ERBB4: variants seen among roughly 807,000 people sequenced by gnomAD.
The protein encoded by ERBB4 is receptor tyrosine-protein kinase erbB-4.
In ERBB4, 42 loss-of-function variants were observed where a neutral mutation model predicts 158.0. The observed-to-expected ratio is 0.27, with a 90% CI of 0.21 to 0.34. The LOEUF (loss-of-function observed/expected upper bound fraction) is 0.34. Among genes scored for constraint, ERBB4 ranks in the 10% least tolerant of loss-of-function variants. The probability of loss-of-function intolerance (pLI) is 1.00; values close to 1 mark genes in which losing one functional copy is unlikely to be tolerated. For missense variants in ERBB4, 1,333 were observed against 1,624.1 expected, an observed-to-expected ratio of 0.82 and a Z score of 3.08; for synonymous variants, 583 against 558.7, an observed-to-expected ratio of 1.04 and a Z score of -0.61.
chr2:211,680,740 T>TA (rs1318674667), intron 12 of ERBB4, among the ~76,000 whole-genome samples: 1 of 152,172 alleles, frequency 6.6e-6, no homozygotes, highest in Non-Finnish European at 1.5e-5. Flanking sequence ...GTAAACTGTG[T>TA]AAAAATTTTT....
chr2:211,547,765 A>G (rs2125695579), intron 20 of ERBB4, among the ~76,000 whole-genome samples: 1 of 152,218 alleles, frequency 6.6e-6, no homozygotes, highest in African/African-American at 2.4e-5. Flanking sequence ...TTCTGTTAAA[A>G]AAAAAAAGTA....
At chr2:211,849,488 A>G (rs1387133100) in intron 3 of ERBB4, among the ~76,000 whole-genome samples, 1 of 151,874 alleles carries the variant, frequency 6.6e-6, no homozygotes, top group Non-Finnish European at 1.5e-5. Context: ...TTTTCTGTGC[A>G]ATGTTTAATT....
intron 1 of ERBB4, among the ~76,000 whole-genome samples, chr2:212,326,213 GA>G (rs1453644001): frequency 6.6e-6 from 1 of 150,556 alleles, no homozygotes; most frequent in Non-Finnish European, 1.5e-5. Context: ...AGAATATCAA[GA>G]AAAAGTTTAA....
Position 212,460,926 on chromosome 2 carries a change from G to A in ERBB4, c.82+77523C>T, listed in dbSNP as rs562643512. Among the ~76,000 whole-genome samples the A allele has an allele frequency of 2.6e-5, 4 of 152,242 alleles. No individual in the cohort carries two copies. In the East Asian group the frequency reaches 7.7e-4, roughly 29 times the overall value. The stretch of plus-strand genomic sequence containing the variant: ...CCTAAGAGGAAAAAGTGGTTTCTTG[G>A]GCAGGAACCAGGGTCCCCATGCTGT... On this transcript the variant is annotated intron_variant, in intron 1 of 27. Transcript: ENST00000342788.
At chr2:212,519,711 A>C (rs1692044057) in intron 1 of ERBB4, among the ~76,000 whole-genome samples, 1 of 151,972 alleles carries the variant, frequency 6.6e-6, no homozygotes, top group Non-Finnish European at 1.5e-5. Flanking sequence ...CAAGGAGCTA[A>C]AAAAATGAGC....
At chr2:212,191,804 T>A (rs979351370) in intron 1 of ERBB4, among the ~76,000 whole-genome samples, 1 of 142,276 alleles carries the variant, frequency 7.0e-6, no homozygotes, top group African/African-American at 2.5e-5. Flanking sequence ...ATATGTTATA[T>A]ATAATACATG....
chr2:212,119,515 G>T (rs982248107), intron 2 of ERBB4, among the ~76,000 whole-genome samples: 3 of 152,062 alleles, frequency 2.0e-5, no homozygotes, highest in Non-Finnish European at 4.4e-5. Context: ...ACTACATTTT[G>T]CCTTGTTTTA....
chr2:212,284,703 A>G (rs7580255), intron 1 of ERBB4, among the ~76,000 whole-genome samples: 149,552 of 152,178 alleles, frequency 0.98, 73,603 homozygotes, highest in Middle Eastern at 1. Context: ...TGTTGTCTTT[A>G]GAAGTTTACT....
chr2:212,338,372 G>C (rs62184063), intron 1 of ERBB4, among the ~76,000 whole-genome samples: 14,922 of 152,034 alleles, frequency 0.098, 803 homozygotes, highest in Admixed American at 0.14. Flanking sequence ...ACAGATAATT[G>C]GGATATGAAA....
At chr2:212,512,716 T>G (rs950555570) in intron 1 of ERBB4, among the ~76,000 whole-genome samples, 3 of 152,192 alleles carry the variant, frequency 2.0e-5, no homozygotes, top group African/African-American at 7.2e-5. Context: ...TAGGGTATCA[T>G]GCACCTTGAT....
At chr2:211,616,754 T>C (rs754243930) in intron 19 of ERBB4, among the ~76,000 whole-genome samples, 12 of 152,218 alleles carry the variant, frequency 7.9e-5, no homozygotes, top group Non-Finnish European at 1.5e-4. Flanking sequence ...AGGACATGTT[T>C]CTGCCTGGTA....
chr2:212,192,346 C>T lies in ERBB4; in HGVS notation c.83-67443G>A, dbSNP rs1045934779. Among the ~76,000 whole-genome samples the T allele has an allele frequency of 5.9e-5, 9 of 151,530 alleles. No homozygotes were observed. In the South Asian group the frequency reaches 6.2e-4, roughly 11 times the overall value. On this transcript the variant is annotated intron_variant, in intron 1 of 27. Transcript: ENST00000342788. ...ACTTTTTAAATTCTTCATATTGATT[C>T]GGGCATTGGAAACAGCAATTCCTCA...
At chr2:211,433,854 G>A (rs1263837365) in intron 20 of ERBB4, among the ~76,000 whole-genome samples, 1 of 152,034 alleles carries the variant, frequency 6.6e-6, no homozygotes, top group African/African-American at 2.4e-5. Flanking sequence ...CCCCAATAAG[G>A]GCAATCCGAC....
intron 17 of ERBB4, among the ~76,000 whole-genome samples, chr2:211,626,867 G>A (rs2069870051): frequency 1.3e-5 from 2 of 151,818 alleles, no homozygotes; most frequent in African/African-American, 4.8e-5. Context: ...GGAGCTTGCA[G>A]TGAGCCGAGA....
intron 9 of ERBB4, among the ~76,000 whole-genome samples, chr2:211,705,813 T>C (rs1048763059): frequency 2.0e-5 from 3 of 152,208 alleles, no homozygotes; most frequent in African/African-American, 7.2e-5. Flanking sequence ...TTGCTATTAG[T>C]ACCTGGAATT....
intron 1 of ERBB4, among the ~76,000 whole-genome samples, chr2:212,241,007 T>C (rs1431077063): frequency 6.6e-6 from 1 of 152,214 alleles, no homozygotes; most frequent in Non-Finnish European, 1.5e-5. Flanking sequence ...GATGGGCATT[T>C]GAATGCTTTC....
chr2:212,067,293 T>C (rs952332044), intron 2 of ERBB4, among the ~76,000 whole-genome samples: 3 of 151,974 alleles, frequency 2.0e-5, no homozygotes, highest in African/African-American at 7.2e-5. Context: ...CTTATGTAAA[T>C]AATCAGGCGA....
chr2:211,583,745 C>T (rs1335351727), intron 19 of ERBB4, among the ~76,000 whole-genome samples: 2 of 150,766 alleles, frequency 1.3e-5, no homozygotes, highest in Admixed American at 1.3e-4. Flanking sequence ...ATAAACAATC[C>T]AATTTACGAA....
chr2:211,926,045 A>C (rs2080013194), intron 3 of ERBB4, among the ~76,000 whole-genome samples: 1 of 152,180 alleles, frequency 6.6e-6, no homozygotes, highest in African/African-American at 2.4e-5. Flanking sequence ...TTGCGGAGGA[A>C]AAGACAAAAA....
Sources: allele counts gnomAD v4.1 joint callset (sites outside exome capture counted in the v4.1 genomes callset), GRCh38; gene constraint gnomAD v4.1.1; transcripts MANE v1.5; gene names NCBI Gene and HGNC (gene_info 2026-07-23, HGNC 2026-07-21).